The following BTBD7 variants were observed in gnomAD, a reference collection of about 807,000 sequenced individuals.
BTBD7 encodes the protein BTB domain containing 7.
In BTBD7, 38 loss-of-function variants were observed where a neutral mutation model predicts 99.9. That is an observed-to-expected ratio of 0.38 (90% CI 0.29 to 0.50). BTBD7 has a LOEUF of 0.50. BTBD7 is among the 20% of genes least tolerant of loss of function. The pLI is 0.93. For missense variants in BTBD7, 1,170 were observed against 1,394.6 expected (o/e 0.84, Z 2.57); for synonymous variants, 520 against 511.4 (o/e 1.02, Z -0.23).
At chr14:93,290,529 T>A (rs1017232620) in intron 3 of BTBD7, among the ~76,000 whole-genome samples, 1 of 148,232 alleles carries the variant, frequency 6.7e-6, no homozygotes, top group East Asian at 2.0e-4. Context: ...TTTTTTTTTT[T>A]TTTTTTAAGA....
At chr14:93,331,884 C>CCA (rs1555394554) in intron 1 of BTBD7, among the ~76,000 whole-genome samples, 1 of 146,882 alleles carries the variant, frequency 6.8e-6, no homozygotes, top group African/African-American at 2.7e-5. Flanking sequence ...CCGTCTCCCC[C>CCA]CCCCCAAAAA....
At chr14:93,248,401 C>A in intron 9 of BTBD7, 75 bp downstream of exon 9, 1 of 1,480,568 alleles carries the variant, frequency 6.8e-7, no homozygotes, top group South Asian at 1.2e-5. Context: ...GCCAAGGACT[C>A]GTCAGGATGC....
rs1490834641 is a variant in BTBD7 at position 93,239,367 on chromosome 14, T to C, written c.*2906A>G. ...GATCTCAAAAGGAGATCTGGTATTT[T>C]TGTGATTTGGTTCTCATTAAATTCC... On this transcript the variant is annotated 3_prime_UTR_variant, in exon 11 of 11. Transcript: ENST00000334746. 1.3e-5 allele frequency: 2 copies of C among 152,524 alleles called. No individual in the cohort carries two copies. Among genetic ancestry groups the C allele is most frequent in the Non-Finnish European group, 1.5e-5 (1 of 68,034 alleles). The allele number at this position is 152,524 out of a possible 1,614,324, so 9.4% of individuals were successfully genotyped here. A position where few individuals can be genotyped will look rare whatever the true frequency, so the allele number is the denominator to read the frequency against.
Position 93,263,903 on chromosome 14 carries a change from A to G in BTBD7, c.1253T>C (p.Val418Ala). ...WSSHPYGSKW[V>A]HRQALHFLCE... is the part of the protein sequence containing the mutation. ...GAGGAAATGTAAAGCTTGTCGGTGC[A>G]CCCATTTAGAGCCATATGGATGAGA... The change falls in exon 4 of 11, where the codon GTG becomes GCG. Residue 418 changes from valine to alanine, a missense_variant. Coordinates refer to ENST00000334746, the MANE Select transcript of BTBD7 (RefSeq NM_001002860.4). 1.2e-6 allele frequency: 2 copies of G among 1,614,182 alleles called. No homozygotes were observed. Among genetic ancestry groups the G allele is most frequent in the African/African-American group, 2.7e-5 (2 of 75,050 alleles).
intron 3 of BTBD7, 98 bp downstream of exon 3, chr14:93,293,760 C>T (rs1486772201): frequency 1.4e-6 from 2 of 1,455,724 alleles, no homozygotes; most frequent in Admixed American, 5.0e-5. Context: ...CCTGTAACAT[C>T]CCAAACACTG....
chr14:93,321,628 T>C (rs1004396523), intron 1 of BTBD7, among the ~76,000 whole-genome samples: 1 of 152,118 alleles, frequency 6.6e-6, no homozygotes, highest in South Asian at 2.1e-4. Context: ...AAGGTGCTCA[T>C]AGTGGGGCAA....
intron 1 of BTBD7, among the ~76,000 whole-genome samples, chr14:93,313,724 A>G (rs1299453669): frequency 6.6e-6 from 1 of 151,112 alleles, no homozygotes; most frequent in Non-Finnish European, 1.5e-5. Context: ...ACAATCACAC[A>G]TATATACACA....
At chr14:93,315,687 T>C (rs1458662379) in intron 1 of BTBD7, among the ~76,000 whole-genome samples, 1 of 152,232 alleles carries the variant, frequency 6.6e-6, no homozygotes, top group East Asian at 1.9e-4. Context: ...CTTCTTTCAC[T>C]TTAGCATGAT....
At chr14:93,269,402 C>T (rs2052577272) in intron 3 of BTBD7, among the ~76,000 whole-genome samples, 1 of 152,140 alleles carries the variant, frequency 6.6e-6, no homozygotes, top group African/African-American at 2.4e-5. Flanking sequence ...GGTGCCACAT[C>T]CTTGGTAATG....
rs532553350 is a variant in BTBD7 at position 93,243,256 on chromosome 14, C to T, written c.2584-168G>A. On this transcript the variant is annotated intron_variant, in intron 10 of 10. Coordinates refer to ENST00000334746, the MANE Select transcript of BTBD7 (RefSeq NM_001002860.4). ...TCGCCCGGGCTGGAGTGCAGTGGTGCGATCTCAGCTTACTGTAACCTCTGC... is the reference window on the plus strand; with the variant it reads ...TCGCCCGGGCTGGAGTGCAGTGGTGTGATCTCAGCTTACTGTAACCTCTGC... 3.3e-5 allele frequency among the ~76,000 whole-genome samples: 5 copies of T among 151,698 alleles called. No individual in the cohort carries two copies. In the South Asian group the frequency reaches 6.2e-4, roughly 19 times the overall value.
At chr14:93,265,733 C>A (rs2052534756) in intron 3 of BTBD7, among the ~76,000 whole-genome samples, 1 of 152,222 alleles carries the variant, frequency 6.6e-6, no homozygotes. Flanking sequence ...ACCAGCTTGG[C>A]CAACATGGTG....
chr14:93,327,510 C>T (rs75513891), intron 1 of BTBD7, among the ~76,000 whole-genome samples: 2,672 of 152,298 alleles, frequency 0.018, 42 homozygotes, highest in South Asian at 0.075. Context: ...CTGTCAATGA[C>T]TCCAGGATTC....
chr14:93,242,427 G>A lies in BTBD7; in HGVS notation c.3245C>T (p.Ala1082Val). The change falls in exon 11 of 11, where the codon GCT (alanine) becomes GTT (valine). Residue 1082 changes from alanine (A) to valine (V), a missense_variant. This residue lies in a region of BTBD7 where 495 missense variants were observed against 525.9 expected (regional missense o/e 0.94). Transcript: ENST00000334746. Reference sequence around the variant, plus strand: ...TCTTCTACCGGATCTCTCTTCGGGAGCTTCAGAGCTACATGCAGAAAGTGA... The same window carrying A: ...TCTTCTACCGGATCTCTCTTCGGGAACTTCAGAGCTACATGCAGAAAGTGA... ...RPSLSACSSE[A>V]PEERSGRRLA... 6.2e-7 allele frequency: 1 copy of A among 1,614,202 alleles called. No individual in the cohort carries two copies. The highest frequency in any genetic ancestry group is 8.5e-7 in the Non-Finnish European group (1 of 1,180,034).
intron 1 of BTBD7, among the ~76,000 whole-genome samples, chr14:93,309,851 C>T (rs2053118123): frequency 1.3e-5 from 2 of 152,092 alleles, no homozygotes; most frequent in Non-Finnish European, 2.9e-5. Flanking sequence ...GCAGGAGATA[C>T]TTTTGTAATT....
At chr14:93,289,327 A>G (rs1427163130) in intron 3 of BTBD7, among the ~76,000 whole-genome samples, 1 of 152,266 alleles carries the variant, frequency 6.6e-6, no homozygotes, top group Non-Finnish European at 1.5e-5. Context: ...GGTTGGGGAA[A>G]GGGTCTGATC....
At chr14:93,281,272 G>C (rs2139740692) in intron 3 of BTBD7, among the ~76,000 whole-genome samples, 1 of 151,976 alleles carries the variant, frequency 6.6e-6, no homozygotes, top group Middle Eastern at 3.4e-3. Flanking sequence ...AAAATGCTAG[G>C]ATTACAGGCA....
At chr14:93,279,100 T>G (rs2052689224) in intron 3 of BTBD7, among the ~76,000 whole-genome samples, 3 of 152,214 alleles carry the variant, frequency 2.0e-5, no homozygotes, top group Non-Finnish European at 4.4e-5. Context: ...CTAGAACATT[T>G]CTTACGGTCT....
chr14:93,300,386 T>C (rs2052980365), intron 1 of BTBD7, among the ~76,000 whole-genome samples: 1 of 151,610 alleles, frequency 6.6e-6, no homozygotes, highest in Non-Finnish European at 1.5e-5. Flanking sequence ...CCCTCCTGAG[T>C]AGCTAGGATT....
Position 93,295,774 on chromosome 14 carries a change from T to C in BTBD7, c.82+196A>G, listed in dbSNP as rs142197943. 3.5e-3 allele frequency among the ~76,000 whole-genome samples: 536 copies of C among 152,314 alleles called. 10 individuals are homozygous for C. In the South Asian group the frequency reaches 0.052, roughly 15 times the overall value. ...ATGGTTAAAACATAGAAAAGCTCAA[T>C]TGTGCTACAAGTGGTTTAAGATAAA... On this transcript the variant is annotated intron_variant, in intron 2 of 10. Coordinates refer to ENST00000334746, the MANE Select transcript of BTBD7 (RefSeq NM_001002860.4).
Sources: allele counts gnomAD v4.1 joint callset (sites outside exome capture counted in the v4.1 genomes callset), GRCh38; gene constraint gnomAD v4.1.1; regional missense constraint gnomAD v4.1.1; transcripts MANE v1.5; gene names NCBI Gene and HGNC (gene_info 2026-07-23, HGNC 2026-07-21).